TNPO3: variants seen among roughly 807,000 people sequenced by gnomAD.
The protein encoded by TNPO3 is transportin-3.
A neutral mutation model predicts 122.8 loss-of-function variants in TNPO3; 65 were observed. The observed-to-expected ratio is 0.53, with a 90% confidence interval of 0.43 to 0.65. The LOEUF (loss-of-function observed/expected upper bound fraction) is 0.65, where lower values mean the gene tolerates loss of function less well. Ranked by LOEUF, TNPO3 falls within the 30% of genes least tolerant of loss-of-function variation. The pLI, the probability that TNPO3 is intolerant of heterozygous loss-of-function variation, is 0.00. For synonymous variants in TNPO3, 372 were observed against 411.2 expected (o/e 0.90, Z 1.15); for missense variants, 850 against 1,136.7 (o/e 0.75, Z 3.63).
chr7:129,040,075 T>C (rs774512640), intron 1 of TNPO3, among the ~76,000 whole-genome samples: 4 of 151,994 alleles, frequency 2.6e-5, no homozygotes, highest in Non-Finnish European at 4.4e-5. Flanking sequence ...GCCAACACGG[T>C]GAAACCCCGT....
chr7:129,053,776 T>G (rs992735381), intron 1 of TNPO3, among the ~76,000 whole-genome samples: 1 of 152,164 alleles, frequency 6.6e-6, no homozygotes, highest in Non-Finnish European at 1.5e-5. Context: ...TTAAAGTACA[T>G]CCTACATTAG....
chr7:129,016,942 C>T, intron 3 of TNPO3, 41 bp downstream of exon 3: 1 of 1,578,894 alleles, frequency 6.3e-7, no homozygotes, highest in African/African-American at 1.3e-5. Context: ...AGGTTAATGG[C>T]AATTCCAAAT....
At chr7:129,045,702 C>T (rs531648636) in intron 1 of TNPO3, among the ~76,000 whole-genome samples, 50 of 152,196 alleles carry the variant, frequency 3.3e-4, no homozygotes, top group Non-Finnish European at 6.5e-4. Context: ...ATTTTACATC[C>T]TAAATCAAAC....
intron 1 of TNPO3, among the ~76,000 whole-genome samples, chr7:129,019,263 A>G (rs928767834): frequency 5.3e-5 from 8 of 152,192 alleles, no homozygotes; most frequent in African/African-American, 1.9e-4. Flanking sequence ...CCAATTCTAC[A>G]CTCAACAGCC....
chr7:129,055,891 A>C, upstream of TNPO3: 1 of 606,582 alleles, frequency 1.6e-6, no homozygotes, highest in East Asian at 2.8e-5. Flanking sequence ...GCTATTTGAT[A>C]AATGATCACA....
chr7:128,996,263 T>G (rs1368948376), intron 8 of TNPO3, among the ~76,000 whole-genome samples: 1 of 152,224 alleles, frequency 6.6e-6, no homozygotes, highest in Non-Finnish European at 1.5e-5. Context: ...TGAAGAGTTT[T>G]CTAATAAACT....
intron 1 of TNPO3, among the ~76,000 whole-genome samples, chr7:129,037,758 C>T (rs1308668622): frequency 6.6e-6 from 1 of 152,156 alleles, no homozygotes; most frequent in Non-Finnish European, 1.5e-5. Flanking sequence ...TTAAGACTCA[C>T]TGCAGTTGCA....
intron 12 of TNPO3, among the ~76,000 whole-genome samples, 169 bp downstream of exon 12, chr7:128,986,560 T>C (rs554644486): frequency 1.8e-4 from 28 of 152,336 alleles, no homozygotes; most frequent in East Asian, 1.7e-3. Context: ...AAAGAATGCA[T>C]GTACATATAG....
At chr7:129,017,925 C>A in intron 2 of TNPO3, 32 bp downstream of exon 2, 1 of 1,606,300 alleles carries the variant, frequency 6.2e-7, no homozygotes, top group Non-Finnish European at 8.5e-7. Context: ...AATGGCCATA[C>A]AAATTTCTCT....
At chr7:129,005,304 GTTT>G (rs35061509) in intron 4 of TNPO3, 145 bp from the exon 5 acceptor site, 16 of 542,248 alleles carry the variant, frequency 3.0e-5, no homozygotes, top group African/African-American at 7.7e-5. Flanking sequence ...AAGTGTCACT[GTTT>G]TTTTTTTTTC....
chr7:129,027,923 T>C (rs1805447780), intron 1 of TNPO3, among the ~76,000 whole-genome samples: 1 of 152,222 alleles, frequency 6.6e-6, no homozygotes, highest in Non-Finnish European at 1.5e-5. Flanking sequence ...TTAAAAAGAC[T>C]GATACGTTAG....
At chr7:128,980,381 G>A (rs1799502994) in intron 14 of TNPO3, among the ~76,000 whole-genome samples, 1 of 152,214 alleles carries the variant, frequency 6.6e-6, no homozygotes. Flanking sequence ...GCCAAGGCGG[G>A]TAGATCACCT....
At chr7:128,966,997 T>C (rs1198455313) in intron 21 of TNPO3, among the ~76,000 whole-genome samples, 1 of 152,182 alleles carries the variant, frequency 6.6e-6, no homozygotes. Context: ...TATAGACAGA[T>C]CTCCTGACGG....
At chr7:129,034,927 G>A in intron 1 of TNPO3, among the ~76,000 whole-genome samples, 1 of 143,724 alleles carries the variant, frequency 7.0e-6, no homozygotes. Context: ...CCTGCCAGAA[G>A]CAAAAGAAAA....
At chr7:129,005,600 C>G (rs973206550) in intron 4 of TNPO3, among the ~76,000 whole-genome samples, 1 of 151,480 alleles carries the variant, frequency 6.6e-6, no homozygotes, top group African/African-American at 2.4e-5. Context: ...AGCACCACCC[C>G]CCTCCTTCTC....
intron 10 of TNPO3, among the ~76,000 whole-genome samples, chr7:128,990,457 C>A (rs1296350667): frequency 6.6e-6 from 1 of 152,168 alleles, no homozygotes; most frequent in African/African-American, 2.4e-5. Flanking sequence ...CCTATAGCTG[C>A]AGCACCTAGA....
intron 4 of TNPO3, among the ~76,000 whole-genome samples, chr7:129,010,643 A>C (rs954098866): frequency 2.6e-5 from 4 of 152,210 alleles, no homozygotes; most frequent in African/African-American, 9.6e-5. Flanking sequence ...CTTTCATCTT[A>C]ATCCAGTGGT....
intron 1 of TNPO3, among the ~76,000 whole-genome samples, chr7:129,018,674 A>G (rs962017290): frequency 6.6e-6 from 1 of 152,194 alleles, no homozygotes; most frequent in Non-Finnish European, 1.5e-5. Flanking sequence ...ACAAAATAGC[A>G]GAAAAACTAT....
chr7:129,027,558 CAAAAAAAAAAAAAA>C (rs71162549), intron 1 of TNPO3, among the ~76,000 whole-genome samples: 24 of 8,970 alleles, frequency 2.7e-3, no homozygotes, highest in African/African-American at 7.4e-3. Context: ...AAGACTGTCT[CAAAAAAAAAAAAAA>C]AAAAAAAAAA....
Sources: allele counts gnomAD v4.1 joint callset (sites outside exome capture counted in the v4.1 genomes callset), GRCh38; gene constraint gnomAD v4.1.1; transcripts MANE v1.5; gene names NCBI Gene and HGNC (gene_info 2026-07-23, HGNC 2026-07-21).